The following MRAS variants were observed in gnomAD, a reference collection of about 807,000 sequenced individuals.
MRAS encodes the protein ras-related protein M-Ras.
A neutral mutation model predicts 20.9 loss-of-function variants in MRAS; 4 were observed. That is an observed-to-expected ratio of 0.19 (90% CI 0.09 to 0.44). The LOEUF is 0.44. Ranked by LOEUF, MRAS falls within the 20% of genes least tolerant of loss-of-function variation. The pLI is 0.99. For synonymous variants in MRAS, 98 were observed against 102.9 expected, an observed-to-expected ratio of 0.95 and a Z score of 0.29; for missense variants, 154 against 277.5, an observed-to-expected ratio of 0.56 and a Z score of 3.16.
At chr3:138,400,876 G>C (rs2055346304) in intron 5 of MRAS, among the ~76,000 whole-genome samples, 1 of 152,174 alleles carries the variant, frequency 6.6e-6, no homozygotes, top group Non-Finnish European at 1.5e-5. Context: ...CTGATGCAGT[G>C]GCTCAGGCTC....
chr3:138,357,875 T>C (rs1036262939), intron 1 of MRAS, among the ~76,000 whole-genome samples: 1 of 152,256 alleles, frequency 6.6e-6, no homozygotes, highest in Non-Finnish European at 1.5e-5. Flanking sequence ...CCTTGGAGAA[T>C]GTCTCTGTGG....
chr3:138,391,502 GC>G (rs1284664951), intron 2 of MRAS, among the ~76,000 whole-genome samples: 2 of 152,140 alleles, frequency 1.3e-5, no homozygotes, highest in African/African-American at 2.4e-5. Context: ...AACTTTTTGA[GC>G]GCTTATGTGA....
intron 1 of MRAS, among the ~76,000 whole-genome samples, chr3:138,355,976 T>C (rs182446195): frequency 2.7e-3 from 406 of 152,254 alleles, no homozygotes; most frequent in African/African-American, 9.3e-3. Context: ...TCCCTCATTC[T>C]GATGGAGATG....
chr3:138,399,107 C>T (rs2055304910), intron 4 of MRAS, among the ~76,000 whole-genome samples: 1 of 152,222 alleles, frequency 6.6e-6, no homozygotes, highest in Non-Finnish European at 1.5e-5. Context: ...ACCTCAGCAC[C>T]CCTTACCAGG....
chr3:138,384,726 T>C (rs1226359293), intron 2 of MRAS, among the ~76,000 whole-genome samples: 1 of 151,962 alleles, frequency 6.6e-6, no homozygotes, highest in Non-Finnish European at 1.5e-5. Context: ...TCACCAAGAA[T>C]GTGACTGCGG....
chr3:138,372,295 C>T (rs956646678), intron 1 of MRAS, among the ~76,000 whole-genome samples: 1 of 152,088 alleles, frequency 6.6e-6, no homozygotes, highest in African/African-American at 2.4e-5. Context: ...AAATGATTCC[C>T]GCATGACTTT....
chr3:138,387,172 G>A (rs531656128), intron 2 of MRAS, among the ~76,000 whole-genome samples: 9 of 152,192 alleles, frequency 5.9e-5, no homozygotes, highest in Non-Finnish European at 1.3e-4. Flanking sequence ...GAGAAGGATG[G>A]TGGGCACTCT....
intron 2 of MRAS, among the ~76,000 whole-genome samples, chr3:138,394,111 A>T (rs1444393358): frequency 1.1e-4 from 16 of 150,314 alleles, no homozygotes; most frequent in Admixed American, 2.0e-4. Context: ...GAAAAAAAAA[A>T]GCTGCAGTCC....
intron 1 of MRAS, among the ~76,000 whole-genome samples, chr3:138,368,579 T>C (rs2054612060): frequency 6.6e-6 from 1 of 152,140 alleles, no homozygotes; most frequent in Non-Finnish European, 1.5e-5. Flanking sequence ...CAAGTCTACC[T>C]TATACCACCT....
At position 138,402,250 on chromosome 3, in the gene MRAS, T is replaced by G. The variant is rs775127858; in HGVS notation, c.608T>G (p.Leu203Arg). ...RGDRATGTHK[L>R]QCVIL ...GACCGGGCCACAGGCACCCACAAAC[T>G]GCAATGTGTGATCTTGTGACAGGCC... Residue 203 changes from leucine to arginine, a missense_variant, in exon 6 of 6, where the codon CTG (leucine) becomes CGG (arginine). Physicochemically the swap from Leu to Arg is moderately radical, Grantham distance 102. Around this residue, in one of 3 missense-constraint regions of MRAS, gnomAD observed 125 missense variants for 213.5 expected, o/e 0.59. Transcript: ENST00000423968. The G allele has an allele frequency of 9.9e-6, 16 of 1,614,112 alleles. No individual in the cohort carries two copies. The highest frequency in any genetic ancestry group is 3.3e-5 in the Admixed American group (2 of 60,018).
At chr3:138,370,586 G>C (rs961002861) in intron 1 of MRAS, among the ~76,000 whole-genome samples, 2 of 152,100 alleles carry the variant, frequency 1.3e-5, no homozygotes, top group African/African-American at 2.4e-5. Context: ...CCCGTCCCGT[G>C]TTGTAGGGAG....
chr3:138,390,811 C>T (rs1175346771), intron 2 of MRAS, among the ~76,000 whole-genome samples: 1 of 152,220 alleles, frequency 6.6e-6, no homozygotes, highest in African/African-American at 2.4e-5. Context: ...GATTTTGTCC[C>T]TTCCGTTTCA....
At chr3:138,350,202 GCTT>G (rs1186566817) in intron 1 of MRAS, 1 of 152,172 alleles carries the variant, frequency 6.6e-6, no homozygotes, top group Non-Finnish European at 1.5e-5. Context: ...AGCTTCTCCT[GCTT>G]CTTTTCCCGG....
At chr3:138,386,949 A>G (rs561753628) in intron 2 of MRAS, among the ~76,000 whole-genome samples, 1 of 152,298 alleles carries the variant, frequency 6.6e-6, no homozygotes, top group East Asian at 1.9e-4. Flanking sequence ...TTGCTGGGTC[A>G]TTTGGTAACT....
Position 138,352,933 on chromosome 3 carries a change from T to G in MRAS, c.-19+4166T>G, listed in dbSNP as rs76553017. 8.5e-4 allele frequency among the ~76,000 whole-genome samples: 129 copies of G among 152,136 alleles called. 1 individual carries two copies. In the East Asian group the frequency reaches 0.02, roughly 23 times the overall value. The stretch of plus-strand genomic sequence containing the variant: ...CCTCAGTGTCGTCATGGGGATTAGA[T>G]AAAATATACACGTGAAAATACGCTT... On this transcript the variant is annotated intron_variant, in intron 1 of 5. Coordinates refer to ENST00000423968, the MANE Select transcript of MRAS (RefSeq NM_001085049.3).
chr3:138,353,960 G>T (rs1349939303), intron 1 of MRAS, among the ~76,000 whole-genome samples: 1 of 152,186 alleles, frequency 6.6e-6, no homozygotes, highest in Non-Finnish European at 1.5e-5. Flanking sequence ...GCTGTTCCCA[G>T]CACTGGGTGA....
rs980676575 is a variant in MRAS, at chr3:138,353,234, A to C, written c.-19+4467A>C. ...TTTAATGGATATTTTGCCCAGATTAAGGCTAAAGAAGTATTTTAAGTAAAA... is the reference window on the plus strand; with the variant it reads ...TTTAATGGATATTTTGCCCAGATTACGGCTAAAGAAGTATTTTAAGTAAAA... On this transcript the variant is annotated intron_variant, in intron 1 of 5. Coordinates refer to ENST00000423968, the MANE Select transcript of MRAS (RefSeq NM_001085049.3). Among the ~76,000 whole-genome samples, 3 of 152,342 alleles carry C rather than the reference A, an allele frequency of 2.0e-5. No homozygotes were observed. In the East Asian group the frequency reaches 5.8e-4, roughly 29 times the overall value.
chr3:138,382,739 T>C (rs951445350), intron 2 of MRAS, among the ~76,000 whole-genome samples: 3 of 152,234 alleles, frequency 2.0e-5, no homozygotes, highest in African/African-American at 7.2e-5. Context: ...TCGTTCCAGA[T>C]TTGTCAGCAT....
At chr3:138,400,130 C>T in intron 4 of MRAS, 1 of 164,808 alleles carries the variant, frequency 6.1e-6, no homozygotes, top group Non-Finnish European at 1.3e-5. Flanking sequence ...GCCTTTTCTA[C>T]CACGTCCACT....
Sources: allele counts gnomAD v4.1 joint callset (sites outside exome capture counted in the v4.1 genomes callset), GRCh38; gene constraint gnomAD v4.1.1; regional missense constraint gnomAD v4.1.1; transcripts MANE v1.5; gene names NCBI Gene and HGNC (gene_info 2026-07-23, HGNC 2026-07-21).